Variants in SNRNP200 observed in about 807,000 individuals in gnomAD.
SNRNP200 encodes U5 small nuclear ribonucleoprotein 200 kDa helicase.
A neutral mutation model predicts 255.2 loss-of-function variants in SNRNP200; 66 were observed. The observed-to-expected ratio is 0.26, with a 90% CI of 0.21 to 0.32. The LOEUF (loss-of-function observed/expected upper bound fraction) is 0.32, where lower values mean the gene tolerates loss of function less well. SNRNP200 is among the 10% of genes least tolerant of loss of function. SNRNP200 has a pLI of 1.00. For missense variants in SNRNP200, 1,585 were observed against 2,749.8 expected, an observed-to-expected ratio of 0.58 and a Z score of 9.47; for synonymous variants, 939 against 1,027.8, an observed-to-expected ratio of 0.91 and a Z score of 1.65.
chr2:96,298,168 G>T (rs2063930543), intron 9 of SNRNP200, 116 bp downstream of exon 9: 4 of 1,489,312 alleles, frequency 2.7e-6, no homozygotes, highest in South Asian at 2.3e-5. Flanking sequence ...AAACCCCAAA[G>T]AATTTAGGAA....
At position 96,297,489 on chromosome 2, in the gene SNRNP200, G is replaced by T. The variant is rs1239989403; in HGVS notation, c.1251C>A (p.Thr417=). The change falls in exon 11 of 45, where the codon ACC becomes ACA. Residue 417 remains threonine (T), a synonymous_variant. Transcript: ENST00000323853. The part of the protein sequence containing the change: ...QVLDLEDLVF[T]QGSHFMANKR... ...TATTGGCCATAAAGTGGCTCCCTTG[G>T]GTAAAAACCAGGTCCTCCAAGTCCA... 1.2e-5 allele frequency: 19 copies of T among 1,613,948 alleles called. No homozygotes were observed. The highest frequency in any genetic ancestry group is 1.6e-5 in the Non-Finnish European group (19 of 1,179,998).
rs772676375 is a variant in SNRNP200 at position 96,290,638 on chromosome 2, C to A, written c.2553+46G>T. 4.3e-6 allele frequency: 7 copies of A among 1,613,952 alleles called. No individual in the cohort carries two copies. In the Admixed American group the frequency reaches 6.7e-5, roughly 15 times the overall value. ...CTTTCCAGCATCCCTGCATTTCAGGCAAGGATACTGATCCCTGCTGAGAAT... is the reference window on the plus strand; with the variant it reads ...CTTTCCAGCATCCCTGCATTTCAGGAAAGGATACTGATCCCTGCTGAGAAT... On this transcript the variant is annotated intron_variant, in intron 19 of 44. Coordinates refer to ENST00000323853, the MANE Select transcript of SNRNP200 (RefSeq NM_014014.5). The surrounding 1 kb of genome is among the most constrained non-coding windows in gnomAD (Gnocchi z 4.5).
chr2:96,286,976 A>G lies in SNRNP200; in HGVS notation c.3639+30T>C, dbSNP rs1391397404. On this transcript the variant is annotated intron_variant, in intron 27 of 44. Coordinates refer to ENST00000323853, the MANE Select transcript of SNRNP200 (RefSeq NM_014014.5). The surrounding 1 kb of genome is among the most constrained non-coding windows in gnomAD (Gnocchi z 4.8). ...CAGCAACGTAGACTGAGCACCTCCA[A>G]TCCAGCACCTCTGCCCAGCAAAGCC... The G allele has an allele frequency of 1.9e-6, 3 of 1,614,104 alleles. No homozygotes were observed. Among genetic ancestry groups the G allele is most frequent in the South Asian group, 2.2e-5 (2 of 91,082 alleles).
In SNRNP200 at chr2:96,274,572, C is replaced by G; in HGVS notation, c.*440G>C. 3.5e-6 allele frequency: 1 copy of G among 288,622 alleles called. No individual in the cohort carries two copies. Among genetic ancestry groups the G allele is most frequent in the South Asian group, 3.4e-5 (1 of 29,130 alleles). The allele number at this position is 288,622 out of a possible 1,614,324, so 17.9% of individuals were successfully genotyped here. ...GCATGTACCCTCCTCTGGGCTGACT[C>G]ACGAGGCTACAGGGGACAGCACACC... On this transcript the variant is annotated 3_prime_UTR_variant, in exon 45 of 45. Coordinates refer to ENST00000323853, the MANE Select transcript of SNRNP200 (RefSeq NM_014014.5).
chr2:96,276,865 G>T (rs188605171), intron 43 of SNRNP200, 39 bp downstream of exon 43: 55 of 1,599,482 alleles, frequency 3.4e-5, no homozygotes, highest in Non-Finnish European at 4.7e-5. Context: ...AATGGATAGG[G>T]TGAGTTGACA....
chr2:96,304,240 G>A (rs1400173335), intron 2 of SNRNP200, among the ~76,000 whole-genome samples: 17 of 148,026 alleles, frequency 1.1e-4, no homozygotes, highest in Non-Finnish European at 2.2e-4. Context: ...ATATCCCCAA[G>A]AAATCTTAAA....
chr2:96,293,068 T>C lies in SNRNP200; in HGVS notation c.2064A>G (p.Thr688=). ...CTTTTTTCTCTGTGATACCCACATATGTCTGTTCCAGAGGCACTGGACGGA... is the reference window on the plus strand; with the variant it reads ...CTTTTTTCTCTGTGATACCCACATACGTCTGTTCCAGAGGCACTGGACGGA... ...NSFRPVPLEQ[T]YVGITEKKAI... Residue 688 remains threonine (T), a synonymous_variant, in exon 16 of 45, where the codon ACA becomes ACG. Transcript: ENST00000323853. 1.9e-6 allele frequency: 3 copies of C among 1,614,230 alleles called. No homozygotes were observed. Among genetic ancestry groups the C allele is most frequent in the Non-Finnish European group, 2.5e-6 (3 of 1,180,014 alleles).
chr2:96,286,765 A>C lies in SNRNP200; in HGVS notation c.3752T>G (p.Leu1251Arg), dbSNP rs371914687. 8 of 1,614,076 alleles carry C rather than the reference A, an allele frequency of 5.0e-6. No individual in the cohort carries two copies. Among genetic ancestry groups the C allele is most frequent in the Non-Finnish European group, 6.8e-6 (8 of 1,180,042 alleles). ...LKAKYAQDEH[L>R]ITFFVPVFEP... ...AAAGACAGGCACGAAGAATGTAATG[A>C]GGTGCTCGTCCTGGGCGTACTTGGC... is the stretch of plus-strand genomic sequence containing the variant. The change falls in exon 28 of 45, where the codon CTC becomes CGC. Residue 1251 changes from leucine (L) to arginine (R), a missense_variant. By Grantham distance (102) the Leu-to-Arg change is moderately radical (BLOSUM62 -2). Transcript: ENST00000323853. The surrounding 1 kb of genome is among the most constrained non-coding windows in gnomAD (Gnocchi z 4.8).
In SNRNP200 at chr2:96,293,113, A is replaced by G; in HGVS notation, c.2037-18T>C. ...GACGGAAGCTAGAAGTTCAACAGTT[A>G]GACAAATGAGGCTTTGGCAGAAAAT... On this transcript the variant is annotated intron_variant, in intron 15 of 44. Coordinates refer to ENST00000323853, the MANE Select transcript of SNRNP200 (RefSeq NM_014014.5). 1 of 1,614,188 alleles carries G rather than the reference A, an allele frequency of 6.2e-7. No individual in the cohort carries two copies. The highest frequency in any genetic ancestry group is 8.5e-7 in the Non-Finnish European group (1 of 1,180,020).
At chr2:96,284,274 T>C in intron 31 of SNRNP200, 84 bp downstream of exon 31, 1 of 1,241,284 alleles carries the variant, frequency 8.1e-7, no homozygotes, top group Non-Finnish European at 1.2e-6. Flanking sequence ...CGAGCCTCCG[T>C]CCTCAGACCC....
At chr2:96,299,190 A>C (rs1558771490) in intron 6 of SNRNP200, 139 bp downstream of exon 6, 1 of 963,526 alleles carries the variant, frequency 1.0e-6, no homozygotes, top group Non-Finnish European at 1.7e-6. Context: ...ATTTTAAGAA[A>C]CTCTAGACAC....
chr2:96,281,947 G>A (rs948338111), intron 34 of SNRNP200, 25 bp from the exon 35 acceptor site: 2 of 1,580,988 alleles, frequency 1.3e-6, no homozygotes, highest in Admixed American at 1.7e-5. Context: ...GGAGAGGAAG[G>A]CTGAGGGCAG....
At chr2:96,297,124 C>T in intron 11 of SNRNP200, 54 bp from the exon 12 acceptor site, 4 of 1,613,080 alleles carry the variant, frequency 2.5e-6, no homozygotes, top group Non-Finnish European at 2.5e-6. Context: ...TTGAGCAAAA[C>T]GTTATTGTGG....
intron 2 of SNRNP200, among the ~76,000 whole-genome samples, chr2:96,303,939 T>G (rs886372651): frequency 6.6e-6 from 1 of 151,402 alleles, no homozygotes; most frequent in African/African-American, 2.4e-5. Flanking sequence ...ATGAGACTAT[T>G]ATATAATAGG....
At chr2:96,304,606 C>T in intron 2 of SNRNP200, 99 bp downstream of exon 2, 2 of 1,504,572 alleles carry the variant, frequency 1.3e-6, no homozygotes, top group South Asian at 2.3e-5. Flanking sequence ...TTTAATGCCA[C>T]TGATCTTACA....
chr2:96,295,522 C>T lies in SNRNP200; in HGVS notation c.1808G>A (p.Arg603His), dbSNP rs1236137716. Residue 603 changes from arginine (R) to histidine (H), a missense_variant, in exon 14 of 45, where the codon CGC (arginine) becomes CAC (histidine). This residue lies in a region of SNRNP200 where 56 missense variants were observed against 77.4 expected (regional missense o/e 0.72). Coordinates refer to ENST00000323853, the MANE Select transcript of SNRNP200 (RefSeq NM_014014.5). ...WDIITRKGGE[R>H]TYTQLVRLII... The stretch of plus-strand genomic sequence containing the variant: ...GAGCCGCACCAGCTGGGTGTAGGTG[C>T]GCTCACCACCCTTGCGGGTGATGAT... 1.9e-6 allele frequency: 3 copies of T among 1,613,868 alleles called. No homozygotes were observed. The highest frequency in any genetic ancestry group is 1.7e-5 in the Admixed American group (1 of 60,010).
At position 96,289,629 on chromosome 2, in the gene SNRNP200, AG is replaced by A. The variant is rs1244341608; in HGVS notation, c.2940+169del. ...GAAATGATGTCTGCACGGACAAGAC[AG>A]CTGAATTATCCACCTCAAGTTATGG... On this transcript the variant is annotated intron_variant, in intron 21 of 44. Coordinates refer to ENST00000323853, the MANE Select transcript of SNRNP200 (RefSeq NM_014014.5). Among the ~76,000 whole-genome samples the A allele has an allele frequency of 2.6e-5, 4 of 152,336 alleles. No homozygotes were observed. In the South Asian group the frequency reaches 8.3e-4, roughly 32 times the overall value.
Position 96,291,637 on chromosome 2 carries a change from C to A in SNRNP200, c.2310+114G>T. The A allele has an allele frequency of 7.3e-7, 1 of 1,366,072 alleles. No individual in the cohort carries two copies. 84.6% of individuals were successfully genotyped at this position (1,366,072 alleles called of 1,614,324 possible). A position where few individuals can be genotyped will look rare whatever the true frequency, so the allele number is the denominator to read the frequency against. ...TAATAATCACATCCAGACAATCAAC[C>A]TTAACCCATGGGAAACAACAATACC... On this transcript the variant is annotated intron_variant, in intron 17 of 44. Transcript: ENST00000323853. This position sits in a 1 kb window ranked among gnomAD's most constrained non-coding sequence, Gnocchi z 4.2.
In SNRNP200 at chr2:96,297,610, T is replaced by C. The variant is rs184518484; in HGVS notation, c.1203+27A>G. The C allele has an allele frequency of 5.0e-6, 8 of 1,614,168 alleles. No individual in the cohort carries two copies. In the South Asian group the frequency reaches 8.8e-5, roughly 18 times the overall value. On this transcript the variant is annotated intron_variant, in intron 10 of 44. Coordinates refer to ENST00000323853, the MANE Select transcript of SNRNP200 (RefSeq NM_014014.5). ...AGTGAGTTTTCCATCCATCAAGGCC[T>C]GGGAAATAAATCGCCCTGGATCCTA...
Sources: gnomAD v4.1 joint callset for allele counts (sites outside exome capture counted in the v4.1 genomes callset) on GRCh38, gnomAD v4.1.1 for gene constraint, gnomAD v4.1.1 regional missense constraint, Gnocchi (gnomAD v3.1) non-coding constraint, MANE v1.5 for transcripts, NCBI Gene and HGNC (gene_info 2026-07-23, HGNC 2026-07-21) for gene names.